The following SRGN variants were observed in gnomAD, a reference collection of about 807,000 sequenced individuals.
The protein encoded by SRGN is serglycin.
Under a neutral mutation model 9.5 loss-of-function variants are expected in SRGN, and 2 were observed. That is an observed-to-expected ratio of 0.21 (90% CI 0.09 to 0.66). The LOEUF is 0.66. SRGN is among the 30% of genes least tolerant of loss of function. SRGN has a pLI of 0.83. For missense variants in SRGN, 170 were observed against 192.4 expected (o/e 0.88, Z 0.69); for synonymous variants, 59 against 72.3 (o/e 0.82, Z 0.93).
chr10:69,089,763 G>A (rs1473290909), intron 1 of SRGN, among the ~76,000 whole-genome samples: 1 of 152,050 alleles, frequency 6.6e-6, no homozygotes, highest in African/African-American at 2.4e-5. Flanking sequence ...GGGCATGGTG[G>A]CACACACCTG....
chr10:69,090,266 T>G (rs551393314), intron 1 of SRGN, among the ~76,000 whole-genome samples: 1 of 152,368 alleles, frequency 6.6e-6, no homozygotes, highest in Non-Finnish European at 1.5e-5. Context: ...TCTTCCTGTC[T>G]TATAAAAAGT....
At chr10:69,096,959 A>C in intron 1 of SRGN, 125 bp from the exon 2 acceptor site, 1 of 916,504 alleles carries the variant, frequency 1.1e-6, no homozygotes, top group Non-Finnish European at 1.6e-6. Flanking sequence ...ACAGTACTGC[A>C]CTCCAGCTTG....
chr10:69,091,879 C>CAAAAAAAAAAAAAAAAAAAAAAAAAA (rs1177012248), intron 1 of SRGN, among the ~76,000 whole-genome samples: 19 of 31,772 alleles, frequency 6.0e-4, no homozygotes, highest in African/African-American at 1.3e-3. Flanking sequence ...GACTCTGTCT[C>CAAAAAAAAAAAAAAAAAAAAAAAAAA]AAAAAAAAAA....
chr10:69,099,354 G>A (rs938053634), intron 2 of SRGN, among the ~76,000 whole-genome samples: 22 of 146,958 alleles, frequency 1.5e-4, no homozygotes, highest in African/African-American at 4.5e-4. Flanking sequence ...CACCCAGGAT[G>A]GAGTGCAGTG....
At chr10:69,088,789 CCT>C (rs984938142) in intron 1 of SRGN, among the ~76,000 whole-genome samples, 6 of 151,540 alleles carry the variant, frequency 4.0e-5, no homozygotes, top group Non-Finnish European at 8.8e-5. Context: ...TCATGTAAAA[CCT>C]CTCAGATTTT....
intron 1 of SRGN, among the ~76,000 whole-genome samples, chr10:69,094,896 C>T (rs577283941): frequency 3.3e-5 from 5 of 151,832 alleles, no homozygotes; most frequent in African/African-American, 1.2e-4. Context: ...GCTACCACAC[C>T]CAACCTAATT....
In SRGN at chr10:69,104,174, C is replaced by T; in HGVS notation, c.*54C>T. 1 of 1,567,208 alleles carries T rather than the reference C, an allele frequency of 6.4e-7. No homozygotes were observed. Among genetic ancestry groups the T allele is most frequent in the Non-Finnish European group, 8.7e-7 (1 of 1,152,678 alleles). Reference sequence around the variant, plus strand: ...CAATGTAGTTAGCATATTTTATGTACCATGGTTATATGATTAATCTTGGGA... The same window carrying T: ...CAATGTAGTTAGCATATTTTATGTATCATGGTTATATGATTAATCTTGGGA... On this transcript the variant is annotated 3_prime_UTR_variant, in exon 3 of 3. Transcript: ENST00000242465.
At position 69,098,953 on chromosome 10, in the gene SRGN, T is replaced by C. The variant is rs141023126; in HGVS notation, c.227+1722T>C. On this transcript the variant is annotated intron_variant, in intron 2 of 2. Transcript: ENST00000242465. ...GCCTAGGCAACAGAGTAAGACTCTG[T>C]CTCAAAAAAAGAAAAAAAAAATTAG... Among the ~76,000 whole-genome samples, 1,408 of 151,108 alleles carry C rather than the reference T, an allele frequency of 9.3e-3. 27 individuals carry two copies. The highest frequency in any genetic ancestry group is 0.032 in the African/African-American group (1,321 of 41,148).
chr10:69,088,825 T>C (rs1053501346), intron 1 of SRGN, among the ~76,000 whole-genome samples: 1 of 152,316 alleles, frequency 6.6e-6, no homozygotes, highest in Non-Finnish European at 1.5e-5. Context: ...AATAATTTGG[T>C]ATTTGTGCTC....
intron 1 of SRGN, among the ~76,000 whole-genome samples, chr10:69,091,894 A>AAAAG (rs1840065394): frequency 9.9e-6 from 1 of 101,086 alleles, no homozygotes; most frequent in African/African-American, 2.7e-5. Flanking sequence ...AAAAAAAAAA[A>AAAAG]AAAAAAAAAA....
chr10:69,092,123 C>T (rs1840076164), intron 1 of SRGN, among the ~76,000 whole-genome samples: 1 of 151,788 alleles, frequency 6.6e-6, no homozygotes, highest in African/African-American at 2.4e-5. Flanking sequence ...CCATTCTTTC[C>T]CTTGGAATCC....
In SRGN at chr10:69,088,134, T is replaced by A; in HGVS notation, c.-24T>A. 1 of 1,609,270 alleles carries A rather than the reference T, an allele frequency of 6.2e-7. No homozygotes were observed. Among genetic ancestry groups the A allele is most frequent in the Non-Finnish European group, 8.5e-7 (1 of 1,175,672 alleles). ...CCTAATCAAGAAGTTGGCGTGCAGC[T>A]GGGAGAGCTAGACTAAGTTGGTCAT... On this transcript the variant is annotated 5_prime_UTR_variant, in exon 1 of 3. Transcript: ENST00000242465.
chr10:69,088,383 A>C, intron 1 of SRGN, 147 bp downstream of exon 1: 1 of 659,096 alleles, frequency 1.5e-6, no homozygotes, highest in Non-Finnish European at 2.6e-6. Context: ...TGAACCCTTT[A>C]ATATGAGTTC....
chr10:69,098,106 T>G (rs1359261130), intron 2 of SRGN, among the ~76,000 whole-genome samples: 1 of 152,230 alleles, frequency 6.6e-6, no homozygotes, highest in African/African-American at 2.4e-5. Context: ...TTGAGGACTT[T>G]TCATCAACAG....
intron 2 of SRGN, among the ~76,000 whole-genome samples, chr10:69,102,286 G>A (rs1049418114): frequency 5.9e-5 from 9 of 152,044 alleles, no homozygotes; most frequent in Non-Finnish European, 1.2e-4. Flanking sequence ...TTCTAGCTCC[G>A]ACACCCCAGG....
At chr10:69,103,436 G>A (rs1407255637) in intron 2 of SRGN, among the ~76,000 whole-genome samples, 5 of 151,900 alleles carry the variant, frequency 3.3e-5, no homozygotes, top group South Asian at 2.1e-4. Flanking sequence ...CCAGCTACTC[G>A]GGAGGCTGAG....
intron 1 of SRGN, 29 bp downstream of exon 1, chr10:69,088,265 C>T: frequency 3.2e-6 from 5 of 1,579,174 alleles, no homozygotes; most frequent in Admixed American, 3.3e-5. Context: ...GTTCCCCAGC[C>T]ATCTTCTCTG....
chr10:69,097,702 C>T (rs578261621), intron 2 of SRGN, among the ~76,000 whole-genome samples: 17 of 152,240 alleles, frequency 1.1e-4, no homozygotes, highest in African/African-American at 4.1e-4. Context: ...GCTGGGATTA[C>T]AGGCGTGAGC....
At chr10:69,097,472 G>A (rs1840200731) in intron 2 of SRGN, among the ~76,000 whole-genome samples, 1 of 134,064 alleles carries the variant, frequency 7.5e-6, no homozygotes, top group South Asian at 2.3e-4. Flanking sequence ...TGTCGCTCAG[G>A]CTGGAGTGCA....
Sources: gnomAD v4.1 joint callset for allele counts (sites outside exome capture counted in the v4.1 genomes callset) on GRCh38, gnomAD v4.1.1 for gene constraint, MANE v1.5 for transcripts, NCBI Gene and HGNC (gene_info 2026-07-23, HGNC 2026-07-21) for gene names.